The following CAMKMT variants were observed in gnomAD, a reference collection of about 807,000 sequenced individuals.
The protein encoded by CAMKMT is calmodulin-lysine N-methyltransferase.
In CAMKMT, 53 loss-of-function variants were observed where a neutral mutation model predicts 48.0. That is an observed-to-expected ratio of 1.10 (90% CI 0.89 to 1.39). CAMKMT has a LOEUF of 1.39. Among genes scored for constraint, CAMKMT ranks in the 40% most tolerant of loss-of-function variants. CAMKMT has a pLI of 0.00. For synonymous variants in CAMKMT, 165 were observed against 152.3 expected (o/e 1.08, Z -0.61); for missense variants, 428 against 402.7 (o/e 1.06, Z -0.54).
chr2:44,375,922 A>C (rs1679643827), intron 2 of CAMKMT, among the ~76,000 whole-genome samples: 1 of 151,972 alleles, frequency 6.6e-6, no homozygotes, highest in South Asian at 2.1e-4. Context: ...AGTAGCTGGG[A>C]TTACAGGTGT....
intron 3 of CAMKMT, among the ~76,000 whole-genome samples, chr2:44,533,698 A>G (rs1156724892): frequency 6.6e-6 from 1 of 152,234 alleles, no homozygotes; most frequent in Admixed American, 6.5e-5. Flanking sequence ...ACCATTGTGA[A>G]AACATGTGGA....
At chr2:44,405,998 A>T (rs1203433343) in intron 3 of CAMKMT, among the ~76,000 whole-genome samples, 5 of 152,186 alleles carry the variant, frequency 3.3e-5, no homozygotes, top group Non-Finnish European at 2.9e-5. Flanking sequence ...ATAGTTAAAG[A>T]TGTCCCATTT....
At chr2:44,709,549 G>A (rs936896084) in intron 6 of CAMKMT, among the ~76,000 whole-genome samples, 18 of 152,036 alleles carry the variant, frequency 1.2e-4, no homozygotes, top group African/African-American at 4.3e-4. Flanking sequence ...TGTTATTCTT[G>A]ATTTGCTAAC....
At chr2:44,422,110 T>C (rs1473240912) in intron 3 of CAMKMT, among the ~76,000 whole-genome samples, 3 of 152,172 alleles carry the variant, frequency 2.0e-5, no homozygotes, top group African/African-American at 7.2e-5. Flanking sequence ...GTTTGAGTCA[T>C]GGAGGTGGAG....
chr2:44,684,628 C>T (rs1429236148), intron 3 of CAMKMT, among the ~76,000 whole-genome samples: 1 of 152,088 alleles, frequency 6.6e-6, no homozygotes, highest in Non-Finnish European at 1.5e-5. Flanking sequence ...GATATGAGCA[C>T]CCATGACATG....
At chr2:44,542,129 C>CA (rs542034096) in intron 3 of CAMKMT, among the ~76,000 whole-genome samples, 21,291 of 98,930 alleles carry the variant, frequency 0.22, 1,809 homozygotes, top group Admixed American at 0.33. Flanking sequence ...AACTCTGTCT[C>CA]AAAAAAAAAA....
chr2:44,552,537 G>A (rs1260162838), intron 3 of CAMKMT, among the ~76,000 whole-genome samples: 1 of 152,144 alleles, frequency 6.6e-6, no homozygotes, highest in Non-Finnish European at 1.5e-5. Context: ...CTGTGGCAGT[G>A]CTCAGAATCT....
intron 3 of CAMKMT, among the ~76,000 whole-genome samples, chr2:44,459,397 T>A (rs998778557): frequency 1.4e-4 from 21 of 152,186 alleles, no homozygotes; most frequent in African/African-American, 4.8e-4. Flanking sequence ...GCCTGGTTGT[T>A]ATAGATTGTT....
chr2:44,441,304 T>C (rs1666644567), intron 3 of CAMKMT, among the ~76,000 whole-genome samples: 1 of 152,206 alleles, frequency 6.6e-6, no homozygotes, highest in Admixed American at 6.6e-5. Context: ...ACCTTTAAAT[T>C]GTAACTAATA....
intron 3 of CAMKMT, among the ~76,000 whole-genome samples, chr2:44,674,182 A>G (rs1393423921): frequency 1.3e-5 from 2 of 152,240 alleles, no homozygotes; most frequent in African/African-American, 4.8e-5. Context: ...TATATGTAAG[A>G]GTCAACTAGA....
At chr2:44,398,494 GTTTTC>G (rs1307436343) in intron 3 of CAMKMT, among the ~76,000 whole-genome samples, 1 of 151,260 alleles carries the variant, frequency 6.6e-6, no homozygotes, top group Non-Finnish European at 1.5e-5. Flanking sequence ...CAAAGAATGC[GTTTTC>G]TTTTAATAGT....
chr2:44,375,275 T>G (rs1679569734), intron 2 of CAMKMT, among the ~76,000 whole-genome samples: 1 of 151,834 alleles, frequency 6.6e-6, no homozygotes, highest in Admixed American at 6.6e-5. Context: ...CCTCTATATT[T>G]TTTAAGTTTG....
intron 3 of CAMKMT, among the ~76,000 whole-genome samples, chr2:44,669,620 C>T (rs537817340): frequency 1.2e-3 from 189 of 152,146 alleles, no homozygotes; most frequent in African/African-American, 4.3e-3. Flanking sequence ...TAAGTAATGG[C>T]ATCTCATTAT....
intron 3 of CAMKMT, among the ~76,000 whole-genome samples, chr2:44,477,977 G>A (rs1668774609): frequency 6.6e-6 from 1 of 152,172 alleles, no homozygotes; most frequent in African/African-American, 2.4e-5. Context: ...AACAGCGTAT[G>A]TAAGGCTGCA....
intron 1 of CAMKMT, 84 bp from the exon 2 acceptor site, chr2:44,372,632 A>G: frequency 8.3e-7 from 1 of 1,210,650 alleles, no homozygotes; most frequent in Non-Finnish European, 1.2e-6. Flanking sequence ...AAGTCCCCTT[A>G]CCACTTAAAT....
chr2:44,678,307 T>C lies in CAMKMT; in HGVS notation c.377-25976T>C, dbSNP rs113287529. Among the ~76,000 whole-genome samples, 510 of 152,306 alleles carry C rather than the reference T, an allele frequency of 3.3e-3. 4 individuals are homozygous for C. The highest frequency in any genetic ancestry group is 0.012 in the African/African-American group (481 of 41,564). The stretch of plus-strand genomic sequence containing the variant: ...GTAGTGAAATGGGGATGGTGCTAGT[T>C]CTTCATCTTGTGTTAGACATCCAGG... On this transcript the variant is annotated intron_variant, in intron 3 of 10. Transcript: ENST00000378494.
intron 3 of CAMKMT, among the ~76,000 whole-genome samples, chr2:44,512,709 A>T (rs562171442): frequency 1.3e-5 from 2 of 152,376 alleles, no homozygotes; most frequent in South Asian, 4.1e-4. Context: ...CTAAATCTGT[A>T]TGAAATTTTG....
chr2:44,744,131 C>G (rs1486604934), intron 8 of CAMKMT, among the ~76,000 whole-genome samples: 2 of 152,136 alleles, frequency 1.3e-5, no homozygotes, highest in African/African-American at 4.8e-5. Flanking sequence ...CACACATACT[C>G]TCTAGCAAAT....
chr2:44,569,944 A>AT (rs1377810287), intron 3 of CAMKMT, among the ~76,000 whole-genome samples: 1 of 151,862 alleles, frequency 6.6e-6, no homozygotes, highest in African/African-American at 2.4e-5. Flanking sequence ...ATCAAGGAGG[A>AT]TTTTATTTCT....
Sources: allele counts gnomAD v4.1 joint callset (sites outside exome capture counted in the v4.1 genomes callset), GRCh38; gene constraint gnomAD v4.1.1; transcripts MANE v1.5; gene names NCBI Gene and HGNC (gene_info 2026-07-23, HGNC 2026-07-21).